The following DOCK1 variants were observed in gnomAD, a reference collection of about 807,000 sequenced individuals.
DOCK1 encodes the protein dedicator of cytokinesis protein 1.
In DOCK1, 138 loss-of-function variants were observed where a neutral mutation model predicts 262.7. The observed-to-expected ratio is 0.53, with a 90% CI of 0.46 to 0.61. DOCK1 has a LOEUF of 0.61. DOCK1 is among the 20% of genes least tolerant of loss of function. The pLI, the probability that DOCK1 is intolerant of heterozygous loss-of-function variation, is 0.00. For synonymous variants in DOCK1, 866 were observed against 867.4 expected (o/e 1.00, Z 0.03); for missense variants, 1,908 against 2,370.7 (o/e 0.80, Z 4.05).
At chr10:127,215,121 C>T (rs1589977565) in intron 27 of DOCK1, among the ~76,000 whole-genome samples, 1 of 152,146 alleles carries the variant, frequency 6.6e-6, no homozygotes, top group East Asian at 1.9e-4. Context: ...GCCTCCCTTC[C>T]TGCCTCGCTA....
intron 27 of DOCK1, among the ~76,000 whole-genome samples, chr10:127,149,482 AC>A (rs2052265114): frequency 6.6e-6 from 1 of 152,186 alleles, no homozygotes; most frequent in Admixed American, 6.5e-5. Context: ...TGGCAAAGGT[AC>A]CCATTTATTA....
chr10:127,107,633 T>C (rs896662611), intron 24 of DOCK1, among the ~76,000 whole-genome samples: 7 of 152,174 alleles, frequency 4.6e-5, no homozygotes, highest in East Asian at 1.9e-4. Context: ...CCGGTAGCCC[T>C]TGGGAACTTG....
At chr10:127,312,033 T>C (rs1272180816) in intron 29 of DOCK1, among the ~76,000 whole-genome samples, 1 of 151,780 alleles carries the variant, frequency 6.6e-6, no homozygotes, top group Non-Finnish European at 1.5e-5. Context: ...CCTGGCCAAT[T>C]TTTGTATTTT....
intron 46 of DOCK1, 133 bp from the exon 47 acceptor site, chr10:127,425,741 G>A (rs1216799347): frequency 1.5e-5 from 21 of 1,354,966 alleles, no homozygotes; most frequent in Non-Finnish European, 2.1e-5. Flanking sequence ...ATGCCTGCTG[G>A]TAAATTGAAT....
At chr10:127,156,808 T>A (rs530891762) in intron 27 of DOCK1, among the ~76,000 whole-genome samples, 2 of 152,298 alleles carry the variant, frequency 1.3e-5, no homozygotes, top group East Asian at 3.9e-4. Context: ...CCTCAAGTGA[T>A]CTTCCCGCCT....
At chr10:127,364,595 A>C (rs903090202) in intron 33 of DOCK1, among the ~76,000 whole-genome samples, 4 of 152,080 alleles carry the variant, frequency 2.6e-5, no homozygotes, top group African/African-American at 9.7e-5. Context: ...TGATCTCTTG[A>C]CCTCATGATC....
chr10:127,402,750 C>T (rs774811175), intron 38 of DOCK1: 1 of 559,912 alleles, frequency 1.8e-6, no homozygotes, highest in Non-Finnish European at 3.5e-6. Flanking sequence ...CTTCGGGCCA[C>T]AGCTGGCAGC....
chr10:127,333,811 G>A (rs933759204), intron 29 of DOCK1, among the ~76,000 whole-genome samples: 4 of 152,228 alleles, frequency 2.6e-5, no homozygotes, highest in African/African-American at 9.6e-5. Flanking sequence ...TACCAAATGC[G>A]ACTTTACATT....
At chr10:127,406,340 A>C (rs2067513854) in intron 40 of DOCK1, among the ~76,000 whole-genome samples, 1 of 152,206 alleles carries the variant, frequency 6.6e-6, no homozygotes, top group Non-Finnish European at 1.5e-5. Flanking sequence ...GAGCTCACAC[A>C]CAGCAGGCTC....
intron 1 of DOCK1, among the ~76,000 whole-genome samples, chr10:126,943,876 G>A (rs1217325557): frequency 6.6e-6 from 1 of 152,162 alleles, no homozygotes; most frequent in Non-Finnish European, 1.5e-5. Flanking sequence ...TGGGTGAGTC[G>A]AGGCGAGGCT....
intron 27 of DOCK1, among the ~76,000 whole-genome samples, chr10:127,153,219 G>A (rs1168262857): frequency 2.0e-5 from 3 of 152,196 alleles, no homozygotes; most frequent in Non-Finnish European, 4.4e-5. Context: ...CCATCCTTCT[G>A]AAGGTTTTGA....
intron 1 of DOCK1, among the ~76,000 whole-genome samples, chr10:126,911,942 C>CA (rs2031832412): frequency 6.6e-6 from 1 of 152,184 alleles, no homozygotes; most frequent in Non-Finnish European, 1.5e-5. Context: ...GCTACCATAA[C>CA]AAAGGACCAC....
chr10:127,441,668 A>G (rs1042069912), intron 49 of DOCK1, among the ~76,000 whole-genome samples: 2 of 151,926 alleles, frequency 1.3e-5, no homozygotes, highest in African/African-American at 4.8e-5. Flanking sequence ...GCAGCAACCC[A>G]TTCCCTGGGG....
At chr10:127,230,109 G>T (rs932393762) in intron 27 of DOCK1, among the ~76,000 whole-genome samples, 1 of 151,986 alleles carries the variant, frequency 6.6e-6, no homozygotes, top group Non-Finnish European at 1.5e-5. Context: ...TTTAAAACAG[G>T]TCATTTATTT....
At chr10:127,338,935 T>C (rs1204458874) in intron 29 of DOCK1, 71 bp from the exon 30 acceptor site, 16 of 1,340,660 alleles carry the variant, frequency 1.2e-5, no homozygotes, top group Non-Finnish European at 1.6e-5. Flanking sequence ...TTGTATCTAA[T>C]TGAAATGCCA....
chr10:127,295,683 TA>T (rs34549951), intron 29 of DOCK1, among the ~76,000 whole-genome samples: 2,226 of 135,628 alleles, frequency 0.016, 50 homozygotes, highest in East Asian at 0.11. Context: ...CCCACCCCGA[TA>T]AAAAAAAAAA....
At chr10:127,329,200 G>A (rs979365786) in intron 29 of DOCK1, among the ~76,000 whole-genome samples, 3 of 152,088 alleles carry the variant, frequency 2.0e-5, no homozygotes, top group Non-Finnish European at 2.9e-5. Context: ...CTACACCCCG[G>A]CAAGCAGAGC....
At chr10:127,048,092 A>G (rs891294942) in intron 21 of DOCK1, among the ~76,000 whole-genome samples, 4 of 152,212 alleles carry the variant, frequency 2.6e-5, no homozygotes, top group African/African-American at 9.6e-5. Flanking sequence ...ATTGCGAGAC[A>G]GTTCTCCAAA....
At chr10:127,144,300 C>A (rs2051576180) in intron 27 of DOCK1, among the ~76,000 whole-genome samples, 1 of 152,154 alleles carries the variant, frequency 6.6e-6, no homozygotes, top group African/African-American at 2.4e-5. Flanking sequence ...AAAGTCCACC[C>A]TCCCCCCTGC....
Sources: gnomAD v4.1 joint callset for allele counts (sites outside exome capture counted in the v4.1 genomes callset) on GRCh38, gnomAD v4.1.1 for gene constraint, MANE v1.5 for transcripts, NCBI Gene and HGNC (gene_info 2026-07-23, HGNC 2026-07-21) for gene names.